TTC28: variants seen among roughly 807,000 people sequenced by gnomAD.
TTC28 encodes tetratricopeptide repeat protein 28.
Under a neutral mutation model 198.0 loss-of-function variants are expected in TTC28, and 61 were observed. That is an observed-to-expected ratio of 0.31 (90% CI 0.25 to 0.38). TTC28 has a LOEUF of 0.38. Ranked by LOEUF, TTC28 falls within the 10% of genes least tolerant of loss-of-function variation. TTC28 has a pLI of 1.00. For missense variants in TTC28, 2,678 were observed against 3,164.0 expected, an observed-to-expected ratio of 0.85 and a Z score of 3.69; for synonymous variants, 1,171 against 1,297.8, an observed-to-expected ratio of 0.90 and a Z score of 2.10.
intron 14 of TTC28, chr22:28,007,827 T>C (rs954495331): frequency 5.3e-5 from 8 of 152,250 alleles, no homozygotes; most frequent in Admixed American, 3.9e-4. Context: ...TTGCTGGTTA[T>C]CCTGGGTGCT....
At chr22:28,126,026 T>C (rs2146951599) in intron 6 of TTC28, among the ~76,000 whole-genome samples, 1 of 152,290 alleles carries the variant, frequency 6.6e-6, no homozygotes, top group Middle Eastern at 3.4e-3. Flanking sequence ...TCTCTATTAC[T>C]GAAAGACACT....
chr22:28,505,925 G>A (rs181211857), intron 2 of TTC28, among the ~76,000 whole-genome samples: 1 of 152,352 alleles, frequency 6.6e-6, no homozygotes, highest in East Asian at 1.9e-4. Context: ...CACCGTCTCC[G>A]TGGTTCAGTA....
intron 6 of TTC28, among the ~76,000 whole-genome samples, chr22:28,121,042 T>C (rs1282858364): frequency 2.0e-5 from 3 of 152,244 alleles, no homozygotes; most frequent in African/African-American, 4.8e-5. Flanking sequence ...TGAATCCATT[T>C]ACTGCTTTCA....
chr22:28,095,857 G>A (rs1436818799), intron 11 of TTC28, among the ~76,000 whole-genome samples: 3 of 152,136 alleles, frequency 2.0e-5, no homozygotes, highest in Admixed American at 1.3e-4. Flanking sequence ...GAATTCGTTA[G>A]GACTTGCAGT....
intron 6 of TTC28, among the ~76,000 whole-genome samples, chr22:28,116,211 T>C (rs375674114): frequency 8.6e-5 from 13 of 151,952 alleles, no homozygotes; most frequent in African/African-American, 3.1e-4. Context: ...AACCCACAAA[T>C]ATTCACTGCC....
At chr22:28,417,605 A>T (rs1310557843) in intron 2 of TTC28, among the ~76,000 whole-genome samples, 2 of 152,244 alleles carry the variant, frequency 1.3e-5, no homozygotes, top group Non-Finnish European at 2.9e-5. Context: ...TTATCTACCT[A>T]CCAAACACTG....
chr22:28,358,406 T>G (rs2046110025), intron 2 of TTC28, among the ~76,000 whole-genome samples: 1 of 152,190 alleles, frequency 6.6e-6, no homozygotes, highest in Non-Finnish European at 1.5e-5. Flanking sequence ...AAGCCATAAT[T>G]TAAACTGACA....
chr22:28,089,432 C>T (rs1034517482), intron 12 of TTC28, among the ~76,000 whole-genome samples: 4 of 148,904 alleles, frequency 2.7e-5, no homozygotes, highest in Non-Finnish European at 5.9e-5. Flanking sequence ...GCAAACACCG[C>T]ATATTCTCAC....
At chr22:28,147,247 A>G (rs1943490224) in intron 6 of TTC28, among the ~76,000 whole-genome samples, 1 of 152,240 alleles carries the variant, frequency 6.6e-6, no homozygotes, top group Non-Finnish European at 1.5e-5. Flanking sequence ...TGAAGTTACC[A>G]TGAAATTACT....
intron 2 of TTC28, among the ~76,000 whole-genome samples, chr22:28,311,099 A>G (rs1230550187): frequency 8.5e-5 from 13 of 152,144 alleles, no homozygotes. Flanking sequence ...TTCTTAGTCG[A>G]TATTTCAAAT....
intron 2 of TTC28, among the ~76,000 whole-genome samples, chr22:28,505,773 C>G (rs1420869583): frequency 6.6e-6 from 1 of 152,188 alleles, no homozygotes; most frequent in Non-Finnish European, 1.5e-5. Flanking sequence ...GGGAGCCAAG[C>G]AGTGTCACTC....
At chr22:28,383,449 C>T (rs1044662879) in intron 2 of TTC28, among the ~76,000 whole-genome samples, 1 of 152,158 alleles carries the variant, frequency 6.6e-6, no homozygotes, top group Non-Finnish European at 1.5e-5. Context: ...AAATTTACAA[C>T]TCAATTGAAT....
At chr22:28,496,782 A>G (rs924867028) in intron 2 of TTC28, among the ~76,000 whole-genome samples, 1 of 152,110 alleles carries the variant, frequency 6.6e-6, no homozygotes, top group African/African-American at 2.4e-5. Context: ...AGAAGATTAT[A>G]AAGACTTCTC....
intron 6 of TTC28, among the ~76,000 whole-genome samples, chr22:28,111,159 T>C (rs1452631120): frequency 2.6e-5 from 4 of 152,182 alleles, no homozygotes; most frequent in African/African-American, 7.2e-5. Context: ...TTTACTTACA[T>C]GTATTTTAAT....
In TTC28 at chr22:28,268,709, T is replaced by C. The variant is rs532212250; in HGVS notation, c.933+27489A>G. ...CCTTCATGTCTAATTCCTACTTTTT[T>C]CCCCTTTGCAGATTACCAGAGAATT... On this transcript the variant is annotated intron_variant, in intron 5 of 22. Transcript: ENST00000397906. 1.2e-4 allele frequency among the ~76,000 whole-genome samples: 19 copies of C among 152,332 alleles called. No homozygotes were observed. In the South Asian group the frequency reaches 3.7e-3, roughly 30 times the overall value.
intron 2 of TTC28, among the ~76,000 whole-genome samples, chr22:28,434,458 C>T (rs926266321): frequency 5.9e-5 from 9 of 152,170 alleles, no homozygotes; most frequent in African/African-American, 1.4e-4. Context: ...CTGAGACAGG[C>T]GGATCATTTG....
intron 2 of TTC28, among the ~76,000 whole-genome samples, chr22:28,475,681 G>GC (rs937128640): frequency 1.3e-5 from 2 of 152,152 alleles, no homozygotes; most frequent in Admixed American, 1.3e-4. Flanking sequence ...TTAAGGCAAT[G>GC]CCAATCAGAT....
intron 22 of TTC28, 150 bp from the exon 23 acceptor site, chr22:27,984,001 A>C: frequency 1.1e-6 from 1 of 949,524 alleles, no homozygotes; most frequent in Non-Finnish European, 1.5e-6. Context: ...CCTCAAAAAC[A>C]TGGTCCTGTT....
intron 6 of TTC28, among the ~76,000 whole-genome samples, chr22:28,150,006 AATAT>A (rs1481321678): frequency 6.6e-6 from 1 of 152,204 alleles, no homozygotes; most frequent in African/African-American, 2.4e-5. Flanking sequence ...GTATCCCATA[AATAT>A]ATATACTTTG....
Sources: allele counts gnomAD v4.1 joint callset (sites outside exome capture counted in the v4.1 genomes callset), GRCh38; gene constraint gnomAD v4.1.1; transcripts MANE v1.5; gene names NCBI Gene and HGNC (gene_info 2026-07-23, HGNC 2026-07-21).